Variants in STX12 observed in about 807,000 individuals in gnomAD.
The protein encoded by STX12 is syntaxin-12.
A neutral mutation model predicts 42.2 loss-of-function variants in STX12; 17 were observed. The observed-to-expected ratio is 0.40, with a 90% CI of 0.28 to 0.60. STX12 has a LOEUF of 0.60. STX12 is among the 20% of genes least tolerant of loss of function. STX12 has a pLI of 0.39. For synonymous variants in STX12, 108 were observed against 116.7 expected (o/e 0.93, Z 0.48); for missense variants, 297 against 330.9 (o/e 0.90, Z 0.79).
intron 1 of STX12, among the ~76,000 whole-genome samples, chr1:27,788,301 G>A (rs1024701221): frequency 6.6e-6 from 1 of 152,110 alleles, no homozygotes. Flanking sequence ...CCAGTAACCA[G>A]AAAAAGAAAA....
chr1:27,814,490 T>A (rs908203214), intron 6 of STX12, among the ~76,000 whole-genome samples: 4 of 152,134 alleles, frequency 2.6e-5, no homozygotes, highest in Non-Finnish European at 5.9e-5. Flanking sequence ...ATCGTGCCAC[T>A]GCAATCCAGC....
At chr1:27,810,180 C>A in intron 4 of STX12, 66 bp from the exon 5 acceptor site, 1 of 1,469,818 alleles carries the variant, frequency 6.8e-7, no homozygotes, top group Non-Finnish European at 9.5e-7. Context: ...GCTAAGGAAG[C>A]CCTTGTTTTG....
intron 7 of STX12, among the ~76,000 whole-genome samples, chr1:27,818,240 G>A (rs1324496234): frequency 2.0e-5 from 3 of 152,036 alleles, no homozygotes; most frequent in Non-Finnish European, 4.4e-5. Flanking sequence ...AATTAGCTAC[G>A]CCTGGTGGCA....
At chr1:27,781,830 GTACT>G (rs898234563) in intron 1 of STX12, among the ~76,000 whole-genome samples, 4 of 152,102 alleles carry the variant, frequency 2.6e-5, no homozygotes, top group African/African-American at 9.7e-5. Context: ...CATTCAATAT[GTACT>G]TAATTGATTT....
chr1:27,783,298 G>A (rs934516470), intron 1 of STX12, among the ~76,000 whole-genome samples: 1 of 152,136 alleles, frequency 6.6e-6, no homozygotes, highest in Non-Finnish European at 1.5e-5. Flanking sequence ...AGAGGTCAGC[G>A]ATAGGAGAAA....
At chr1:27,816,334 C>T (rs552983543) in intron 6 of STX12, among the ~76,000 whole-genome samples, 51 of 151,376 alleles carry the variant, frequency 3.4e-4, no homozygotes, top group Non-Finnish European at 5.8e-4. Flanking sequence ...AATAGCCGGG[C>T]GTGGTGGTGC....
intron 6 of STX12, among the ~76,000 whole-genome samples, chr1:27,813,365 A>G (rs972365560): frequency 6.6e-6 from 1 of 151,998 alleles, no homozygotes; most frequent in Admixed American, 6.6e-5. Flanking sequence ...TAGTAGAGAC[A>G]GGGTTTTGCC....
At chr1:27,779,459 G>A (rs1026474532) in intron 1 of STX12, among the ~76,000 whole-genome samples, 8 of 151,520 alleles carry the variant, frequency 5.3e-5, no homozygotes, top group Admixed American at 4.6e-4. Context: ...TCAGCCTCCC[G>A]AGTTGCTGGG....
intron 3 of STX12, among the ~76,000 whole-genome samples, chr1:27,797,160 C>T (rs1040505578): frequency 2.0e-5 from 3 of 152,034 alleles, no homozygotes; most frequent in Admixed American, 6.6e-5. Flanking sequence ...CTCCCAGGTT[C>T]GAGCAATTCT....
chr1:27,781,701 T>C (rs1434692721), intron 1 of STX12, among the ~76,000 whole-genome samples: 1 of 152,174 alleles, frequency 6.6e-6, no homozygotes, highest in Non-Finnish European at 1.5e-5. Flanking sequence ...CTTTAATTAA[T>C]TCAAGCTTTT....
In STX12 at chr1:27,819,715, C is replaced by T; in HGVS notation, c.715C>T (p.Arg239Ter). The change falls in exon 8 of 9, where the codon CGA (arginine) becomes TGA (stop). Residue 239 changes from arginine (R) to a stop codon, truncating the protein, a stop_gained. Coordinates refer to ENST00000373943, the MANE Select transcript of STX12 (RefSeq NM_177424.3). LOFTEE classifies it high-confidence loss of function. ...CGAAAGAGCCACTGAACAGTTACAG[C>T]GAGCTGCTTACTATCAGGTAAAAGC... ...HVERATEQLQ[R>*]AAYYQKKSRK... 2 of 1,613,724 alleles carry T rather than the reference C, an allele frequency of 1.2e-6. No homozygotes were observed. Among genetic ancestry groups the T allele is most frequent in the Non-Finnish European group, 1.7e-6 (2 of 1,179,766 alleles).
intron 8 of STX12, among the ~76,000 whole-genome samples, chr1:27,820,921 A>G (rs2088979105): frequency 6.6e-6 from 1 of 151,682 alleles, no homozygotes; most frequent in South Asian, 2.1e-4. Context: ...AACTATTGCA[A>G]GAACAAAAAA....
chr1:27,810,890 G>A (rs1049296852), intron 5 of STX12, among the ~76,000 whole-genome samples: 3 of 152,108 alleles, frequency 2.0e-5, no homozygotes. Flanking sequence ...TCTCTAGCAC[G>A]AAGAGGACGT....
In STX12 at chr1:27,822,344, T is replaced by C. The variant is rs748152648; in HGVS notation, c.*15T>C. ...AAACGAAGTGATTGCCTCCGATCGT[T>C]CTCCCGCTGAGCTGTTTTCAAGGGC... On this transcript the variant is annotated 3_prime_UTR_variant, in exon 9 of 9. Coordinates refer to ENST00000373943, the MANE Select transcript of STX12 (RefSeq NM_177424.3). 1 of 1,539,596 alleles carries C rather than the reference T, an allele frequency of 6.5e-7. No individual in the cohort carries two copies.
At chr1:27,790,563 T>G (rs568238774) in intron 2 of STX12, among the ~76,000 whole-genome samples, 20 of 152,312 alleles carry the variant, frequency 1.3e-4, no homozygotes, top group African/African-American at 4.8e-4. Flanking sequence ...GACAGAAAAT[T>G]TCTCAGAGTC....
intron 1 of STX12, among the ~76,000 whole-genome samples, chr1:27,780,083 G>A (rs1476390924): frequency 6.6e-6 from 1 of 151,164 alleles, no homozygotes; most frequent in Non-Finnish European, 1.5e-5. Context: ...GAGTCACTGC[G>A]TCCGCCCTTT....
intron 5 of STX12, among the ~76,000 whole-genome samples, chr1:27,811,362 T>G (rs367670230): frequency 2.0e-5 from 3 of 151,336 alleles, no homozygotes; most frequent in East Asian, 4.0e-4. Flanking sequence ...CACAGCACTT[T>G]GGCAGGTTGA....
At chr1:27,803,954 T>C (rs1031875877) in intron 4 of STX12, among the ~76,000 whole-genome samples, 28 of 151,754 alleles carry the variant, frequency 1.8e-4, no homozygotes, top group African/African-American at 6.3e-4. Context: ...TGAGCTGAGA[T>C]TGTGCCCCTG....
At position 27,823,623 on chromosome 1, in the gene STX12, A is replaced by G. The variant is rs2089000610; in HGVS notation, c.*1294A>G. On this transcript the variant is annotated 3_prime_UTR_variant, in exon 9 of 9. Coordinates refer to ENST00000373943, the MANE Select transcript of STX12 (RefSeq NM_177424.3). ...GGATTTGGCTACCCTGAGTATATTT[A>G]TATTCATTTCTTCTGTTCTCCTTCT... 6.6e-6 allele frequency: 1 copy of G among 152,622 alleles called. No homozygotes were observed. Among genetic ancestry groups the G allele is most frequent in the South Asian group, 2.1e-4 (1 of 4,830 alleles). 9.5% of individuals were successfully genotyped at this position (152,622 alleles called of 1,614,324 possible). A position where few individuals can be genotyped will look rare whatever the true frequency, so the allele number is the denominator to read the frequency against.
Sources: gnomAD v4.1 joint callset for allele counts (sites outside exome capture counted in the v4.1 genomes callset) on GRCh38, gnomAD v4.1.1 for gene constraint, MANE v1.5 for transcripts, NCBI Gene and HGNC (gene_info 2026-07-23, HGNC 2026-07-21) for gene names.